USP54: variants seen among roughly 807,000 people sequenced by gnomAD.
The protein encoded by USP54 is ubiquitin specific peptidase 54.
USP54 carries 87 observed loss-of-function variants against 170.5 expected under a neutral mutation model. That is an observed-to-expected ratio of 0.51 (90% CI 0.43 to 0.61). The LOEUF (loss-of-function observed/expected upper bound fraction) is 0.61, where lower values mean the gene tolerates loss of function less well. USP54 is among the 20% of genes least tolerant of loss of function. The probability of loss-of-function intolerance (pLI) is 0.00; values close to 1 mark genes in which losing one functional copy is unlikely to be tolerated. For missense variants in USP54, 1,786 were observed against 2,047.8 expected, an observed-to-expected ratio of 0.87 and a Z score of 2.47; for synonymous variants, 655 against 742.8, an observed-to-expected ratio of 0.88 and a Z score of 1.92.
At chr10:73,579,298 T>A (rs374005687) in intron 1 of USP54, among the ~76,000 whole-genome samples, 43 of 152,018 alleles carry the variant, frequency 2.8e-4, no homozygotes, top group African/African-American at 9.4e-4. Flanking sequence ...AAGGAAAAAA[T>A]TATAGAATTG....
chr10:73,581,577 G>C (rs561873674), intron 1 of USP54, among the ~76,000 whole-genome samples: 15 of 152,258 alleles, frequency 9.9e-5, no homozygotes, highest in African/African-American at 3.4e-4. Flanking sequence ...CCTCTGAATT[G>C]CATAAGCTTC....
chr10:73,564,659 G>A (rs1316834119), intron 4 of USP54, among the ~76,000 whole-genome samples: 2 of 152,142 alleles, frequency 1.3e-5, no homozygotes, highest in African/African-American at 4.8e-5. Flanking sequence ...GTGGGTCAAT[G>A]GGACAAGATT....
chr10:73,542,848 A>G lies in USP54; in HGVS notation c.527T>C (p.Leu176Pro). ...CTSCGATSDP[L>P]PFIQMVHYIS... The stretch of plus-strand genomic sequence containing the variant: ...ATAATGTACCATCTGGATGAAAGGC[A>G]GCGGATCAGAAGTGGCACCACAGCT... The change falls in exon 7 of 24, where the codon CTG becomes CCG. Residue 176 changes from leucine (L) to proline (P), a missense_variant. Around this residue, in one of 3 missense-constraint regions of USP54, gnomAD observed 361 missense variants for 455.0 expected, o/e 0.79. Coordinates refer to ENST00000687698, the MANE Select transcript of USP54 (RefSeq NM_001391956.1). 6.2e-7 allele frequency: 1 copy of G among 1,614,176 alleles called. No individual in the cohort carries two copies. Among genetic ancestry groups the G allele is most frequent in the Non-Finnish European group, 8.5e-7 (1 of 1,180,040 alleles).
intron 4 of USP54, among the ~76,000 whole-genome samples, chr10:73,567,077 C>T (rs932885673): frequency 6.6e-6 from 1 of 151,758 alleles, no homozygotes; most frequent in Non-Finnish European, 1.5e-5. Flanking sequence ...TAGGGTTTCG[C>T]CATCTTGGCC....
At chr10:73,515,859 T>A (rs915178637) in intron 20 of USP54, 1 of 151,416 alleles carries the variant, frequency 6.6e-6, no homozygotes, top group Admixed American at 6.7e-5. Flanking sequence ...CTCAGCTCAC[T>A]GTAACCTCTG....
intron 1 of USP54, among the ~76,000 whole-genome samples, chr10:73,604,252 A>G (rs1049479813): frequency 6.6e-6 from 1 of 152,180 alleles, no homozygotes; most frequent in Non-Finnish European, 1.5e-5. Context: ...CATCTCAAAA[A>G]AACAAAACAA....
At chr10:73,566,700 C>T (rs2073908453) in intron 4 of USP54, among the ~76,000 whole-genome samples, 1 of 151,822 alleles carries the variant, frequency 6.6e-6, no homozygotes, top group Admixed American at 6.6e-5. Flanking sequence ...CACTGCATTC[C>T]AGCCTGGGCG....
intron 12 of USP54, among the ~76,000 whole-genome samples, chr10:73,533,224 T>G (rs867069620): frequency 6.6e-6 from 1 of 151,932 alleles, no homozygotes; most frequent in Middle Eastern, 3.4e-3. Context: ...GAGAATGGCA[T>G]GAACCTGGGA....
At chr10:73,618,768 C>T (rs180795833) in intron 1 of USP54, among the ~76,000 whole-genome samples, 7,650 of 146,084 alleles carry the variant, frequency 0.052, 1,173 homozygotes, top group African/African-American at 0.19. Flanking sequence ...AAAAATTAGC[C>T]GGGCGTGGTA....
chr10:73,568,721 G>C (rs1049675573), intron 4 of USP54, among the ~76,000 whole-genome samples: 1 of 152,126 alleles, frequency 6.6e-6, no homozygotes, highest in African/African-American at 2.4e-5. Context: ...CACATCCCCA[G>C]AGTTATGAAG....
chr10:73,624,221 G>A (rs1454799053), intron 1 of USP54, among the ~76,000 whole-genome samples: 3 of 109,690 alleles, frequency 2.7e-5, no homozygotes, highest in South Asian at 2.9e-4. Flanking sequence ...TTTTTGAGAC[G>A]GAGTCTCGCT....
rs376606114 is a variant in USP54 at position 73,499,081 on chromosome 10, G to A, written c.4603C>T (p.Arg1535Cys). The change falls in exon 24 of 24, where the codon CGC becomes TGC. Residue 1535 changes from arginine (R) to cysteine (C), a missense_variant. Arg to Cys is a radical substitution (Grantham distance 180). Around this residue, in one of 3 missense-constraint regions of USP54, gnomAD observed 1,418 missense variants for 1,569.0 expected, o/e 0.90. Coordinates refer to ENST00000687698, the MANE Select transcript of USP54 (RefSeq NM_001391956.1). ...GCCCAGGAGTTGTCTGTTCTGGAGC[G>A]ATGGGGGAGGCTCTGGTAGTTCAAA... ...RTLNYQSLPH[R>C]SRTDNSWAPW... The A allele has an allele frequency of 1.2e-5, 20 of 1,613,992 alleles. No individual in the cohort carries two copies. Among genetic ancestry groups the A allele is most frequent in the African/African-American group, 2.7e-5 (2 of 74,878 alleles).
chr10:73,621,158 AAAAC>A lies in USP54; in HGVS notation c.-18+4405_-18+4408del, dbSNP rs551806391. 4.1e-3 allele frequency among the ~76,000 whole-genome samples: 621 copies of A among 150,198 alleles called. 57 individuals carry two copies. Among genetic ancestry groups the A allele is most frequent in the African/African-American group, 0.015 (596 of 39,578 alleles). On this transcript the variant is annotated intron_variant, in intron 1 of 22. Coordinates refer to the USP54 transcript ENST00000339859. ...GTGACAGAGCAAGACTCTGTCTCAA[AAAAC>A]AAACAAATAATACAAAGATGTAAAA...
At chr10:73,596,720 C>A (rs1452492108) in intron 1 of USP54, among the ~76,000 whole-genome samples, 1,164 of 91,690 alleles carry the variant, frequency 0.013, no homozygotes, top group Admixed American at 0.014. Flanking sequence ...GATCCTGTCT[C>A]AAAAAAAAAA....
intron 12 of USP54, among the ~76,000 whole-genome samples, chr10:73,533,132 C>T (rs1371489950): frequency 6.6e-6 from 1 of 152,090 alleles, no homozygotes; most frequent in African/African-American, 2.4e-5. Context: ...CGGTGAAACC[C>T]CGTCTCTACT....
chr10:73,616,846 A>AAAACT (rs1243437565), intron 1 of USP54, among the ~76,000 whole-genome samples: 24 of 150,298 alleles, frequency 1.6e-4, no homozygotes, highest in Non-Finnish European at 3.4e-4. Context: ...AAAACAAAAC[A>AAAACT]AAACTTAAAA....
At chr10:73,519,227 TG>T (rs1564667688) in intron 19 of USP54, 1 of 152,618 alleles carries the variant, frequency 6.6e-6, no homozygotes, top group Non-Finnish European at 1.5e-5. Context: ...TCCAAATTAA[TG>T]TTTATTTAAA....
At chr10:73,507,112 G>T (rs1279444848) in intron 20 of USP54, 1 of 151,686 alleles carries the variant, frequency 6.6e-6, no homozygotes, top group African/African-American at 2.4e-5. Flanking sequence ...GCATTAAAAG[G>T]AAAAAAATCT....
chr10:73,583,786 C>A (rs1341972894), intron 1 of USP54, among the ~76,000 whole-genome samples: 1 of 151,622 alleles, frequency 6.6e-6, no homozygotes, highest in Non-Finnish European at 1.5e-5. Flanking sequence ...TTTAAAAAAA[C>A]TGAAAATAAA....
Sources: allele counts gnomAD v4.1 joint callset (sites outside exome capture counted in the v4.1 genomes callset), GRCh38; gene constraint gnomAD v4.1.1; regional missense constraint gnomAD v4.1.1; transcripts MANE v1.5; gene names NCBI Gene and HGNC (gene_info 2026-07-23, HGNC 2026-07-21).